Variants in ARHGEF1 observed in about 807,000 individuals in gnomAD.
ARHGEF1 encodes the protein 115 kDa guanine nucleotide exchange factor.
A neutral mutation model predicts 119.7 loss-of-function variants in ARHGEF1; 40 were observed. The ratio of observed to expected loss-of-function variants is 0.33; its 90% CI spans 0.26 to 0.44. The LOEUF (loss-of-function observed/expected upper bound fraction) is 0.44. Among genes scored for constraint, ARHGEF1 ranks in the 20% least tolerant of loss-of-function variants. The pLI, the probability that ARHGEF1 is intolerant of heterozygous loss-of-function variation, is 1.00. For synonymous variants in ARHGEF1, 494 were observed against 521.0 expected (o/e 0.95, Z 0.71); for missense variants, 976 against 1,268.3 (o/e 0.77, Z 3.50).
chr19:41,910,914 G>A (rs1370520410), downstream of ARHGEF1, among the ~76,000 whole-genome samples: 1 of 151,658 alleles, frequency 6.6e-6, no homozygotes, highest in East Asian at 1.9e-4. The surrounding 1 kb of genome is among the most constrained non-coding windows in gnomAD (Gnocchi z 4.4). Flanking sequence ...CAACCCCACA[G>A]TGCACACCCA....
At chr19:41,895,272 C>T in intron 11 of ARHGEF1, 77 bp from the exon 12 acceptor site, 1 of 1,526,064 alleles carries the variant, frequency 6.6e-7, no homozygotes, top group South Asian at 1.2e-5. Flanking sequence ...TGAGCACAGC[C>T]TCTTGCATCC....
intron 1 of ARHGEF1, among the ~76,000 whole-genome samples, chr19:41,927,774 C>T (rs1555853394): frequency 6.6e-6 from 1 of 152,186 alleles, no homozygotes; most frequent in Non-Finnish European, 1.5e-5. Flanking sequence ...CCGTGGCTCT[C>T]ACTCGCTCTC....
At position 41,892,145 on chromosome 19, in the gene ARHGEF1, C is replaced by G; in HGVS notation, c.324+22C>G. On this transcript the variant is annotated intron_variant, in intron 5 of 28. Coordinates refer to ENST00000354532, the MANE Select transcript of ARHGEF1 (RefSeq NM_004706.4). The surrounding 1 kb of genome is among the most constrained non-coding windows in gnomAD (Gnocchi z 6.3). ...AGCGGTGAGAGACCTTCAAGCTGCC[C>G]CAACCCTGCAATCCCTGTTTGGGCC... 1 of 1,604,314 alleles carries G rather than the reference C, an allele frequency of 6.2e-7. No individual in the cohort carries two copies. Among genetic ancestry groups the G allele is most frequent in the African/African-American group, 1.3e-5 (1 of 74,824 alleles).
rs782266591 is a variant in ARHGEF1 at position 41,904,271 on chromosome 19, G to A, written c.2049G>A (p.Glu683=). The A allele has an allele frequency of 2.0e-5, 32 of 1,612,734 alleles. No homozygotes were observed. The highest frequency in any genetic ancestry group is 1.7e-4 in the Admixed American group (10 of 59,980). The stretch of plus-strand genomic sequence containing the variant: ...TGCTGCTGCTCCAGCGCCAGGACGA[G>A]CGGCTGCTGCTCAAGTCCCATAGCC... ...DLLLLLQRQD[E]RLLLKSHSRT... The change falls in exon 22 of 29, where the codon GAG becomes GAA. Residue 683 remains glutamate, a synonymous_variant. Coordinates refer to ENST00000354532, the MANE Select transcript of ARHGEF1 (RefSeq NM_004706.4). The surrounding 1 kb of genome is among the most constrained non-coding windows in gnomAD (Gnocchi z 8.4).
At chr19:41,909,048 C>T (rs1044313642), downstream of ARHGEF1, 11 of 1,226,076 alleles carry the variant, frequency 9.0e-6, no homozygotes, top group Non-Finnish European at 1.1e-5. This position sits in a 1 kb window ranked among gnomAD's most constrained non-coding sequence, Gnocchi z 5.2. Flanking sequence ...CCCAGAACCT[C>T]CAGGCTCTTA....
chr19:41,892,530 T>C lies in ARHGEF1; in HGVS notation c.368-73T>C. 1 of 1,571,288 alleles carries C rather than the reference T, an allele frequency of 6.4e-7. No individual in the cohort carries two copies. The highest frequency in any genetic ancestry group is 1.3e-5 in the African/African-American group (1 of 74,182). On this transcript the variant is annotated intron_variant, in intron 6 of 28. Coordinates refer to ENST00000354532, the MANE Select transcript of ARHGEF1 (RefSeq NM_004706.4). This position sits in a 1 kb window ranked among gnomAD's most constrained non-coding sequence, Gnocchi z 6.3. ...GCCTCAGGACGTGTGGCTGTTGGAG[T>C]CCAAGGGTGGGTGGGGACCGTGGTC...
rs1028040928 is a variant in ARHGEF1, at chr19:41,888,382, T to C, written c.111+104T>C. 5.2e-6 allele frequency: 6 copies of C among 1,161,540 alleles called. No individual in the cohort carries two copies. Among genetic ancestry groups the C allele is most frequent in the Non-Finnish European group, 7.5e-6 (6 of 804,976 alleles). The allele number at this position is 1,161,540 out of a possible 1,614,324, so 72.0% of individuals were successfully genotyped here. ...GTCTTCTTGGCCTTTTCCCACGGTC[T>C]GTCTCATCCTCTCATCTCCCTGGTA... On this transcript the variant is annotated intron_variant, in intron 3 of 28. Transcript: ENST00000354532. This position sits in a 1 kb window ranked among gnomAD's most constrained non-coding sequence, Gnocchi z 5.1.
In ARHGEF1 at chr19:41,892,183, A is replaced by G; in HGVS notation, c.324+60A>G. On this transcript the variant is annotated intron_variant, in intron 5 of 28. Transcript: ENST00000354532. The surrounding 1 kb of genome is among the most constrained non-coding windows in gnomAD (Gnocchi z 6.3). ...CCCTGTTTGGGCCTGCAGAGTCACCATGCGGTCCCCAGCCTCTGCCCTGAG... is the reference window on the plus strand; with the variant it reads ...CCCTGTTTGGGCCTGCAGAGTCACCGTGCGGTCCCCAGCCTCTGCCCTGAG... 6.4e-7 allele frequency: 1 copy of G among 1,567,572 alleles called. No individual in the cohort carries two copies. The highest frequency in any genetic ancestry group is 8.7e-7 in the Non-Finnish European group (1 of 1,142,996).
At chr19:41,884,418 T>C (rs782658786) in intron 1 of ARHGEF1, 10 of 1,592,680 alleles carry the variant, frequency 6.3e-6, no homozygotes, top group Non-Finnish European at 7.6e-6. Flanking sequence ...GCGGCAGGGG[T>C]GGGGAGAGTG....
chr19:41,922,658 G>A (rs1314896873), upstream of ARHGEF1, among the ~76,000 whole-genome samples: 3 of 152,104 alleles, frequency 2.0e-5, no homozygotes, highest in African/African-American at 7.2e-5. Flanking sequence ...GGCAAGGGGC[G>A]GGGCCTGGGT....
chr19:41,918,173 C>T (rs972637370), upstream of ARHGEF1, among the ~76,000 whole-genome samples: 39 of 151,958 alleles, frequency 2.6e-4, no homozygotes, highest in African/African-American at 9.4e-4. Context: ...TGCCTTTGTG[C>T]CTGGGGTGTA....
Position 41,905,337 on chromosome 19 carries a change from C to G in ARHGEF1, c.2336+76C>G, listed in dbSNP as rs2074672419. 1.5e-6 allele frequency: 2 copies of G among 1,293,420 alleles called. No individual in the cohort carries two copies. Among genetic ancestry groups the G allele is most frequent in the African/African-American group, 2.9e-5 (2 of 67,906 alleles). 80.1% of individuals were successfully genotyped at this position (1,293,420 alleles called of 1,614,324 possible). On this transcript the variant is annotated intron_variant, in intron 24 of 28. Transcript: ENST00000354532. This position sits in a 1 kb window ranked among gnomAD's most constrained non-coding sequence, Gnocchi z 6.4. The stretch of plus-strand genomic sequence containing the variant: ...GCGGGGCAGGCTTCCCTCCACAACT[C>G]CAGAACCGTCTCTGTGTGAGCATGC...
intron 12 of ARHGEF1, among the ~76,000 whole-genome samples, chr19:41,896,157 C>G (rs1231196572): frequency 6.6e-6 from 1 of 152,126 alleles, no homozygotes; most frequent in Non-Finnish European, 1.5e-5. Flanking sequence ...ACCCAGGACA[C>G]ACAGGGGCAC....
At chr19:41,926,746 G>C (rs1265241181) in intron 1 of ARHGEF1, among the ~76,000 whole-genome samples, 1 of 152,164 alleles carries the variant, frequency 6.6e-6, no homozygotes, top group Non-Finnish European at 1.5e-5. Context: ...CCGTTTAGCC[G>C]TGATAGATCC....
Position 41,903,814 on chromosome 19 carries a change from C to T in ARHGEF1, c.1917+30C>T, listed in dbSNP as rs376084127. ...GACCATACCCTCCTGCCTCCCCCGC[C>T]CCCCTACTCCTTGGCCCAGGGGATT... On this transcript the variant is annotated intron_variant, in intron 20 of 28. Coordinates refer to ENST00000354532, the MANE Select transcript of ARHGEF1 (RefSeq NM_004706.4). This position sits in a 1 kb window ranked among gnomAD's most constrained non-coding sequence, Gnocchi z 4.2. 7 of 1,607,012 alleles carry T rather than the reference C, an allele frequency of 4.4e-6. No individual in the cohort carries two copies. Among genetic ancestry groups the T allele is most frequent in the Non-Finnish European group, 6.0e-6 (7 of 1,175,142 alleles).
At chr19:41,898,163 C>A in intron 13 of ARHGEF1, 1 of 1,409,508 alleles carries the variant, frequency 7.1e-7, no homozygotes, top group Admixed American at 3.2e-5. Context: ...CCTGGAGAAT[C>A]AGGGAGGGAT....
At chr19:41,898,019 G>A (rs1037726200) in intron 13 of ARHGEF1, 40 of 1,329,168 alleles carry the variant, frequency 3.0e-5, no homozygotes, top group Middle Eastern at 3.9e-4. Context: ...GGGCAGCCTC[G>A]GGGCTAAGGG....
At chr19:41,920,870 G>A (rs1270977848), upstream of ARHGEF1, among the ~76,000 whole-genome samples, 2 of 152,210 alleles carry the variant, frequency 1.3e-5, no homozygotes, top group Non-Finnish European at 2.9e-5. Flanking sequence ...AGAGAGGCCT[G>A]TGGGTGGGGC....
rs1328994727 is a variant in ARHGEF1 at position 41,895,601 on chromosome 19, C to T, written c.1015+115C>T. ...ATTCCCCAGCAACACCTCCCCTTTGCTCTCAGCATCCACTTCTCCCTGCTC... is the reference window on the plus strand; with the variant it reads ...ATTCCCCAGCAACACCTCCCCTTTGTTCTCAGCATCCACTTCTCCCTGCTC... On this transcript the variant is annotated intron_variant, in intron 12 of 28. Coordinates refer to ENST00000354532, the MANE Select transcript of ARHGEF1 (RefSeq NM_004706.4). 4.3e-6 allele frequency: 5 copies of T among 1,153,842 alleles called. No individual in the cohort carries two copies. In the African/African-American group the frequency reaches 6.2e-5, roughly 14 times the overall value. The allele number at this position is 1,153,842 out of a possible 1,614,324, so 71.5% of individuals were successfully genotyped here. A position where few individuals can be genotyped will look rare whatever the true frequency, so the allele number is the denominator to read the frequency against.
Sources: allele counts gnomAD v4.1 joint callset (sites outside exome capture counted in the v4.1 genomes callset), GRCh38; gene constraint gnomAD v4.1.1; non-coding constraint Gnocchi (gnomAD v3.1); transcripts MANE v1.5; gene names NCBI Gene and HGNC (gene_info 2026-07-23, HGNC 2026-07-21).